The following EIF4H variants were observed in gnomAD, a reference collection of about 807,000 sequenced individuals.
EIF4H encodes eukaryotic translation initiation factor 4H.
In EIF4H, 8 loss-of-function variants were observed where a neutral mutation model predicts 30.6. The observed-to-expected ratio is 0.26, with a 90% CI of 0.15 to 0.47. The LOEUF is 0.47. EIF4H is among the 20% of genes least tolerant of loss of function. The pLI, the probability that EIF4H is intolerant of heterozygous loss-of-function variation, is 0.99. For missense variants in EIF4H, 188 were observed against 339.5 expected (o/e 0.55, Z 3.51); for synonymous variants, 106 against 122.7 (o/e 0.86, Z 0.90).
Position 74,187,821 on chromosome 7 carries a change from G to T in EIF4H, c.247+23G>T, listed in dbSNP as rs1554709403. On this transcript the variant is annotated intron_variant, in intron 2 of 6. Transcript: ENST00000265753. Reference sequence around the variant, plus strand: ...AAGGTGAGTTTGGGGGATTCTTATTGTATATTACTGTAAAGTGTAGGGGAG... The same window carrying T: ...AAGGTGAGTTTGGGGGATTCTTATTTTATATTACTGTAAAGTGTAGGGGAG... 3.8e-6 allele frequency: 6 copies of T among 1,564,750 alleles called. No individual in the cohort carries two copies. The East Asian group carries it at 1.2e-4, about 30-fold the overall frequency.
At chr7:74,177,720 C>A (rs1390439495) in intron 1 of EIF4H, among the ~76,000 whole-genome samples, 2 of 152,132 alleles carry the variant, frequency 1.3e-5, no homozygotes, top group Non-Finnish European at 2.9e-5. Context: ...TTCTTCACTC[C>A]AAGTGTTCCA....
At chr7:74,190,224 T>G (rs782747775) in intron 4 of EIF4H, 23 bp from the exon 5 acceptor site, 4 of 1,612,808 alleles carry the variant, frequency 2.5e-6, no homozygotes. Context: ...GACCTCAACT[T>G]TATCTTTTTT....
Position 74,195,675 on chromosome 7 carries a change from T to C in EIF4H, c.*367T>C, listed in dbSNP as rs1801332030. 5.4e-6 allele frequency: 1 copy of C among 183,950 alleles called. No individual in the cohort carries two copies. Among genetic ancestry groups the C allele is most frequent in the Non-Finnish European group, 1.1e-5 (1 of 87,052 alleles). The allele number at this position is 183,950 out of a possible 1,614,324, so 11.4% of individuals were successfully genotyped here. ...GTGCTGCGTCATTTTTCCTTTGCTT[T>C]CTCTTTACTTTAGACACTGGCCCAA... is the stretch of plus-strand genomic sequence containing the variant. On this transcript the variant is annotated 3_prime_UTR_variant, in exon 7 of 7. Coordinates refer to ENST00000265753, the MANE Select transcript of EIF4H (RefSeq NM_022170.2).
intron 1 of EIF4H, among the ~76,000 whole-genome samples, chr7:74,175,818 T>C (rs781823872): frequency 6.6e-6 from 1 of 152,030 alleles, no homozygotes. Context: ...TTTAGTTGCA[T>C]TGGGACTACA....
At chr7:74,176,533 C>T (rs1394266711) in intron 1 of EIF4H, among the ~76,000 whole-genome samples, 4 of 152,170 alleles carry the variant, frequency 2.6e-5, no homozygotes, top group Non-Finnish European at 5.9e-5. Context: ...GCACCTTCTC[C>T]CTTGTCTAAA....
Position 74,189,659 on chromosome 7 carries a change from C to T in EIF4H, c.248-14C>T. ...AATTACTTGAGGAAATCGGGGTCTTCTTTTCTTTTCCAGGATTCTGCTATG... is the reference window on the plus strand; with the variant it reads ...AATTACTTGAGGAAATCGGGGTCTTTTTTTCTTTTCCAGGATTCTGCTATG... On this transcript the variant is annotated splice_polypyrimidine_tract_variant and intron_variant, in intron 2 of 6. Coordinates refer to ENST00000265753, the MANE Select transcript of EIF4H (RefSeq NM_022170.2). 6.2e-7 allele frequency: 1 copy of T among 1,612,622 alleles called. No individual in the cohort carries two copies. The highest frequency in any genetic ancestry group is 8.5e-7 in the Non-Finnish European group (1 of 1,179,804).
In EIF4H at chr7:74,195,295, A is replaced by G; in HGVS notation, c.734A>G (p.Lys245Arg). 1 of 1,613,782 alleles carries G rather than the reference A, an allele frequency of 6.2e-7. No individual in the cohort carries two copies. Among genetic ancestry groups the G allele is most frequent in the Non-Finnish European group, 8.5e-7 (1 of 1,179,798 alleles). ...AGGCCTAGAGAGGAAGTCGTTCAAA[A>G]GGAGCAAGAATGAGCCTGCGGTTGG... ...GARPREEVVQKEQE is the reference protein window; with the variant it reads ...GARPREEVVQREQE Residue 245 changes from lysine (K) to arginine (R), a missense_variant, in exon 7 of 7, where the codon AAG (lysine) becomes AGG (arginine). Physicochemically the swap from Lys to Arg is conservative, Grantham distance 26. Around this residue, in one of 4 missense-constraint regions of EIF4H, gnomAD observed 17 missense variants for 66.4 expected, o/e 0.26. Transcript: ENST00000265753.
intron 1 of EIF4H, among the ~76,000 whole-genome samples, chr7:74,179,646 A>AAAAAAAAAAAC (rs72155748): frequency 6.7e-6 from 1 of 150,180 alleles, no homozygotes; most frequent in African/African-American, 2.4e-5. Flanking sequence ...AAAAAAAAAA[A>AAAAAAAAAAAC]AAGTCACTTT....
At position 74,174,441 on chromosome 7, in the gene EIF4H, G is replaced by T; in HGVS notation, c.58G>T (p.Gly20Trp). ...RAYSSFGGGR[G>W]SRGSAGGHGS... ...CTACAGCAGCTTCGGCGGCGGCAGA[G>T]GGTGAGGCGGGCGTGCGCGGGCCCC... The change falls in exon 1 of 7, where the codon GGG becomes TGG. Residue 20 changes from glycine to tryptophan, a missense_variant and splice_region_variant. Physicochemically the swap from Gly to Trp is radical, Grantham distance 184. This residue lies in a region of EIF4H where 43 missense variants were observed against 43.4 expected (regional missense o/e 0.99). Transcript: ENST00000265753. 1 of 1,436,708 alleles carries T rather than the reference G, an allele frequency of 7.0e-7. No homozygotes were observed. Among genetic ancestry groups the T allele is most frequent in the Non-Finnish European group, 9.3e-7 (1 of 1,080,142 alleles). 89.0% of individuals were successfully genotyped at this position (1,436,708 alleles called of 1,614,324 possible).
intron 1 of EIF4H, among the ~76,000 whole-genome samples, chr7:74,184,797 C>G (rs1554708947): frequency 6.6e-6 from 1 of 152,198 alleles, no homozygotes; most frequent in African/African-American, 2.4e-5. Flanking sequence ...AGCTCCACCT[C>G]AGCCTCTGAA....
intron 2 of EIF4H, among the ~76,000 whole-genome samples, chr7:74,189,161 G>C (rs563687824): frequency 1.1e-4 from 17 of 152,134 alleles, no homozygotes; most frequent in Non-Finnish European, 1.9e-4. Flanking sequence ...TTGGACCCAG[G>C]CTGCCTGTCT....
At chr7:74,178,274 G>C (rs1205509688) in intron 1 of EIF4H, among the ~76,000 whole-genome samples, 2 of 152,132 alleles carry the variant, frequency 1.3e-5, no homozygotes, top group African/African-American at 2.4e-5. Context: ...TTGTGGCTGG[G>C]TGCAGTGGTT....
chr7:74,180,586 T>C (rs1421749073), intron 1 of EIF4H, among the ~76,000 whole-genome samples: 1 of 152,194 alleles, frequency 6.6e-6, no homozygotes, highest in African/African-American at 2.4e-5. Context: ...TCAGTATAGG[T>C]CTTTGCTTTA....
intron 5 of EIF4H, 56 bp downstream of exon 5, chr7:74,190,362 C>A (rs782058897): frequency 3.8e-6 from 6 of 1,563,176 alleles, no homozygotes; most frequent in African/African-American, 1.4e-5. Flanking sequence ...TGCTGCTGTT[C>A]TCTGTTTCTT....
At chr7:74,185,368 C>T (rs868925094) in intron 1 of EIF4H, among the ~76,000 whole-genome samples, 1 of 152,138 alleles carries the variant, frequency 6.6e-6, no homozygotes, top group Non-Finnish European at 1.5e-5. Flanking sequence ...TTTATGATTT[C>T]GGAGATATCA....
rs781855084 is a variant in EIF4H, at chr7:74,187,602, C to T, written c.60-9C>T. 8 of 1,559,978 alleles carry T rather than the reference C, an allele frequency of 5.1e-6. No individual in the cohort carries two copies. In the African/African-American group the frequency reaches 9.6e-5, roughly 19 times the overall value. ...GGCACACTTGAATCCTGTTTGTCTCCCCTCCTAGGTCCCGCGGCAGTGCTG... is the reference window on the plus strand; with the variant it reads ...GGCACACTTGAATCCTGTTTGTCTCTCCTCCTAGGTCCCGCGGCAGTGCTG... On this transcript the variant is annotated splice_polypyrimidine_tract_variant and intron_variant, in intron 1 of 6. Coordinates refer to ENST00000265753, the MANE Select transcript of EIF4H (RefSeq NM_022170.2).
chr7:74,180,060 G>T (rs1800924605), intron 1 of EIF4H, among the ~76,000 whole-genome samples: 1 of 152,008 alleles, frequency 6.6e-6, no homozygotes, highest in Admixed American at 6.6e-5. Context: ...TAGCTGGTGT[G>T]GTGGTATATG....
chr7:74,179,548 C>G (rs782060516), intron 1 of EIF4H, among the ~76,000 whole-genome samples: 3 of 150,940 alleles, frequency 2.0e-5, no homozygotes, highest in Non-Finnish European at 2.9e-5. Flanking sequence ...CATAGAATCA[C>G]TTGAACCTGG....
chr7:74,192,358 G>T (rs1801239955), intron 5 of EIF4H, among the ~76,000 whole-genome samples: 1 of 152,158 alleles, frequency 6.6e-6, no homozygotes, highest in Admixed American at 6.6e-5. Flanking sequence ...GCCTCCCAGT[G>T]TATTTCCCCT....
Sources: allele counts gnomAD v4.1 joint callset (sites outside exome capture counted in the v4.1 genomes callset), GRCh38; gene constraint gnomAD v4.1.1; regional missense constraint gnomAD v4.1.1; transcripts MANE v1.5; gene names NCBI Gene and HGNC (gene_info 2026-07-23, HGNC 2026-07-21).